C1QTNF1: variants seen among roughly 807,000 people sequenced by gnomAD.
C1QTNF1 encodes complement C1q tumor necrosis factor-related protein 1.
C1QTNF1 carries 22 observed loss-of-function variants against 27.8 expected under a neutral mutation model. The ratio of observed to expected loss-of-function variants is 0.79; its 90% CI spans 0.56 to 1.13. The LOEUF is 1.13. Ranked by LOEUF, C1QTNF1 falls within the 50% of genes most tolerant of loss-of-function variation. C1QTNF1 has a pLI of 0.00. For missense variants in C1QTNF1, 373 were observed against 380.2 expected, an observed-to-expected ratio of 0.98 and a Z score of 0.16; for synonymous variants, 166 against 154.3, an observed-to-expected ratio of 1.08 and a Z score of -0.56.
intron 1 of C1QTNF1, among the ~76,000 whole-genome samples, chr17:79,039,913 C>A (rs1258946846): frequency 6.6e-6 from 1 of 151,794 alleles, no homozygotes; most frequent in Non-Finnish European, 1.5e-5. Context: ...AATCTCTTTT[C>A]CTTTTAACTG....
intron 1 of C1QTNF1, among the ~76,000 whole-genome samples, chr17:79,042,875 G>A (rs1213165688): frequency 6.6e-6 from 1 of 152,186 alleles, no homozygotes; most frequent in Non-Finnish European, 1.5e-5. Flanking sequence ...GTGCATGAGT[G>A]GATGTGCATG....
intron 1 of C1QTNF1, among the ~76,000 whole-genome samples, chr17:79,041,300 G>A (rs892768301): frequency 2.0e-5 from 3 of 152,184 alleles, no homozygotes; most frequent in Non-Finnish European, 4.4e-5. Context: ...CGTGGGCCAT[G>A]CAAGGTGGTG....
At position 79,046,417 on chromosome 17, in the gene C1QTNF1, GT is replaced by G; in HGVS notation, c.156-137del. 8.2e-7 allele frequency: 1 copy of G among 1,217,012 alleles called. No homozygotes were observed. The highest frequency in any genetic ancestry group is 1.4e-5 in the South Asian group (1 of 71,504). 75.4% of individuals were successfully genotyped at this position (1,217,012 alleles called of 1,614,324 possible). A position where few individuals can be genotyped will look rare whatever the true frequency, so the allele number is the denominator to read the frequency against. ...CAGAGTGGGCCGTGAGCCCACCAGC[GT>G]GAACACAGAGCCTTGTGGGTCCAGG... On this transcript the variant is annotated intron_variant, in intron 2 of 3. Coordinates refer to ENST00000579760, the MANE Select transcript of C1QTNF1 (RefSeq NM_030968.5). This position sits in a 1 kb window ranked among gnomAD's most constrained non-coding sequence, Gnocchi z 4.8.
In C1QTNF1 at chr17:79,048,188, G is replaced by A. The variant is rs1014046186; in HGVS notation, c.*100G>A. On this transcript the variant is annotated 3_prime_UTR_variant, in exon 4 of 4. Coordinates refer to ENST00000579760, the MANE Select transcript of C1QTNF1 (RefSeq NM_030968.5). Reference sequence around the variant, plus strand: ...CCCTGGACTCCGACTCCCTGGCTTTGGCATTCAGTGAGACGCCCTGCACAC... The same window carrying A: ...CCCTGGACTCCGACTCCCTGGCTTTAGCATTCAGTGAGACGCCCTGCACAC... The A allele has an allele frequency of 9.2e-7, 1 of 1,088,678 alleles. No individual in the cohort carries two copies. Among genetic ancestry groups the A allele is most frequent in the Non-Finnish European group, 1.2e-6 (1 of 805,436 alleles). 67.4% of individuals were successfully genotyped at this position (1,088,678 alleles called of 1,614,324 possible).
chr17:79,037,809 C>G (rs903567938), intron 1 of C1QTNF1, among the ~76,000 whole-genome samples: 1 of 151,922 alleles, frequency 6.6e-6, no homozygotes, highest in Admixed American at 6.6e-5. Flanking sequence ...GCTGCTGGGA[C>G]TACAGGCGAA....
Position 79,048,103 on chromosome 17 carries a change from C to T in C1QTNF1, c.*15C>T. ...CCGAGCCCTAGCTGGCCGGCCACCT[C>T]CTTTCCTCTCGCCACCTTCCACCCC... On this transcript the variant is annotated 3_prime_UTR_variant, in exon 4 of 4. Coordinates refer to ENST00000579760, the MANE Select transcript of C1QTNF1 (RefSeq NM_030968.5). 1 of 1,533,918 alleles carries T rather than the reference C, an allele frequency of 6.5e-7. No individual in the cohort carries two copies. The highest frequency in any genetic ancestry group is 1.2e-5 in the South Asian group (1 of 80,174).
intron 3 of C1QTNF1, chr17:79,047,292 T>G: frequency 2.5e-6 from 1 of 394,352 alleles, no homozygotes; most frequent in Non-Finnish European, 4.5e-6. Flanking sequence ...TTATTGCTTC[T>G]GGGCGAAAAT....
intron 1 of C1QTNF1, 144 bp from the exon 2 acceptor site, chr17:79,043,811 G>A: frequency 1.2e-6 from 1 of 851,550 alleles, no homozygotes; most frequent in East Asian, 2.6e-5. Flanking sequence ...CCCAGAAGCT[G>A]TGTAACTGCA....
chr17:79,026,850 C>G (rs1461682752), intron 1 of C1QTNF1, among the ~76,000 whole-genome samples: 1 of 152,202 alleles, frequency 6.6e-6, no homozygotes, highest in Non-Finnish European at 1.5e-5. Flanking sequence ...TAGGAAGTGA[C>G]CCCCCTTTTC....
In C1QTNF1 at chr17:79,046,767, G is replaced by A. The variant is rs2145932790; in HGVS notation, c.295+73G>A. On this transcript the variant is annotated intron_variant, in intron 3 of 3. Transcript: ENST00000579760. This position sits in a 1 kb window ranked among gnomAD's most constrained non-coding sequence, Gnocchi z 4.8. ...CTGATCCGGAGGAAGGGATGGAGTC[G>A]TTAGGGTGGGGCTAGGCGAGAGCAG... The A allele has an allele frequency of 2.5e-6, 4 of 1,586,378 alleles. No individual in the cohort carries two copies. The highest frequency in any genetic ancestry group is 1.3e-5 in the African/African-American group (1 of 74,514).
At chr17:79,042,268 C>T (rs1425762683) in intron 1 of C1QTNF1, among the ~76,000 whole-genome samples, 2 of 152,236 alleles carry the variant, frequency 1.3e-5, no homozygotes, top group Admixed American at 6.5e-5. Flanking sequence ...GATTCCTGGG[C>T]GAGGGGAGCA....
Position 79,046,978 on chromosome 17 carries a change from G to T in C1QTNF1, c.295+284G>T. 2.3e-6 allele frequency: 1 copy of T among 441,042 alleles called. No homozygotes were observed. The allele number at this position is 441,042 out of a possible 1,614,324, so 27.3% of individuals were successfully genotyped here. On this transcript the variant is annotated intron_variant, in intron 3 of 3. Transcript: ENST00000579760. This position sits in a 1 kb window ranked among gnomAD's most constrained non-coding sequence, Gnocchi z 4.8. ...GGGTCTCGTCCCTCCAGTTGTATGTGGACGCCAGGCTTCTAGGCCCTTTGC... is the reference window on the plus strand; with the variant it reads ...GGGTCTCGTCCCTCCAGTTGTATGTTGACGCCAGGCTTCTAGGCCCTTTGC...
chr17:79,048,239 C>G lies in C1QTNF1; in HGVS notation c.*151C>G. 1.3e-6 allele frequency: 1 copy of G among 780,496 alleles called. No individual in the cohort carries two copies. Among genetic ancestry groups the G allele is most frequent in the Non-Finnish European group, 2.0e-6 (1 of 511,980 alleles). The allele number at this position is 780,496 out of a possible 1,614,324, so 48.3% of individuals were successfully genotyped here. On this transcript the variant is annotated 3_prime_UTR_variant, in exon 4 of 4. Coordinates refer to ENST00000579760, the MANE Select transcript of C1QTNF1 (RefSeq NM_030968.5). ...ACAGAAAGCCAAAGCGATCGGTGCT[C>G]CCAGATCCCGCAGCCTCTGGAGAGA...
At chr17:79,023,702 G>GCGCA (rs1210109800), upstream of C1QTNF1, among the ~76,000 whole-genome samples, 1 of 80,808 alleles carries the variant, frequency 1.2e-5, no homozygotes, top group Non-Finnish European at 2.2e-5. Flanking sequence ...ATGCGCGCGC[G>GCGCA]CGCACACACA....
chr17:79,026,554 A>G (rs2071968216), intron 1 of C1QTNF1, among the ~76,000 whole-genome samples: 1 of 152,236 alleles, frequency 6.6e-6, no homozygotes, highest in African/African-American at 2.4e-5. Flanking sequence ...CTGCTAACAG[A>G]GAATGCCCAG....
intron 1 of C1QTNF1, chr17:79,034,303 C>T (rs956111583): frequency 6.6e-6 from 1 of 152,394 alleles, no homozygotes; most frequent in African/African-American, 2.4e-5. Flanking sequence ...TTCTCTCTCA[C>T]ACGGTTCTCA....
intron 1 of C1QTNF1, among the ~76,000 whole-genome samples, chr17:79,027,080 GC>G (rs1192488258): frequency 4.1e-4 from 55 of 133,016 alleles, no homozygotes; most frequent in African/African-American, 1.5e-3. Context: ...CTGTTCCTGG[GC>G]GGGGGGGGGC....
chr17:79,047,546 G>A lies in C1QTNF1; in HGVS notation c.304G>A (p.Gly102Ser). ...INITILKGEK[G>S]DRGDRGLQGK... is the part of the protein sequence containing the mutation. ...TTTCCCATCCCTTTTAGGGGAGAAG[G>A]GTGACCGCGGAGATCGAGGCCTCCA... is the stretch of plus-strand genomic sequence containing the variant. The change falls in exon 4 of 4, where the codon GGT becomes AGT. Residue 102 changes from glycine to serine, a missense_variant. Transcript: ENST00000579760. The A allele has an allele frequency of 6.6e-7, 1 of 1,525,006 alleles. No individual in the cohort carries two copies. Among genetic ancestry groups the A allele is most frequent in the Non-Finnish European group, 8.8e-7 (1 of 1,138,238 alleles). 94.5% of individuals were successfully genotyped at this position (1,525,006 alleles called of 1,614,324 possible).
intron 1 of C1QTNF1, among the ~76,000 whole-genome samples, chr17:79,034,892 G>A (rs193154605): frequency 2.6e-5 from 4 of 152,308 alleles, no homozygotes; most frequent in East Asian, 1.9e-4. Context: ...TCCATCTGGC[G>A]AGAATTCCTT....
Sources: allele counts gnomAD v4.1 joint callset (sites outside exome capture counted in the v4.1 genomes callset), GRCh38; gene constraint gnomAD v4.1.1; non-coding constraint Gnocchi (gnomAD v3.1); transcripts MANE v1.5; gene names NCBI Gene and HGNC (gene_info 2026-07-23, HGNC 2026-07-21).